Variants in MPG observed in about 807,000 individuals in gnomAD.
The protein encoded by MPG is DNA-3-methyladenine glycosylase.
A neutral mutation model predicts 31.7 loss-of-function variants in MPG; 33 were observed. The ratio of observed to expected loss-of-function variants is 1.04; its 90% CI spans 0.79 to 1.39. MPG has a LOEUF of 1.39. Ranked by LOEUF, MPG falls within the 40% of genes most tolerant of loss-of-function variation. The pLI, the probability that MPG is intolerant of heterozygous loss-of-function variation, is 0.00. For synonymous variants in MPG, 202 were observed against 169.2 expected, an observed-to-expected ratio of 1.19 and a Z score of -1.51; for missense variants, 455 against 415.5, an observed-to-expected ratio of 1.10 and a Z score of -0.83.
chr16:81,316 A>G (rs1238766022), intron 2 of MPG, among the ~76,000 whole-genome samples: 2 of 152,136 alleles, frequency 1.3e-5, no homozygotes, highest in African/African-American at 4.8e-5. Flanking sequence ...GAAATTTGGG[A>G]TGGAAAAGGA....
rs569080544 is a variant in MPG at position 83,424 on chromosome 16, C to T, written c.505+168C>T. 1.9e-4 allele frequency: 131 copies of T among 698,364 alleles called. 2 individuals carry two copies. In the South Asian group the frequency reaches 2.3e-3, roughly 12 times the overall value. 43.3% of individuals were successfully genotyped at this position (698,364 alleles called of 1,614,324 possible). ...CTCTGGCTACGCTGACGGGGCAGGG[C>T]TGGTTAGGTTAAAGGGGTAGAAAGG... On this transcript the variant is annotated intron_variant, in intron 3 of 3. Transcript: ENST00000356432.
rs530423012 is a variant in MPG, at chr16:85,295, G to A, written c.506-106G>A. 67 of 1,374,280 alleles carry A rather than the reference G, an allele frequency of 4.9e-5. 2 individuals carry two copies. The South Asian group carries it at 8.4e-4, about 17-fold the overall frequency. The allele number at this position is 1,374,280 out of a possible 1,614,324, so 85.1% of individuals were successfully genotyped here. On this transcript the variant is annotated intron_variant, in intron 3 of 3. Transcript: ENST00000356432. ...ACAGAGCAGGTCCCTGGCCCAGGCAGGAAGGCAGCTGCACCCTCCCTGCAG... is the reference window on the plus strand; with the variant it reads ...ACAGAGCAGGTCCCTGGCCCAGGCAAGAAGGCAGCTGCACCCTCCCTGCAG...
rs370346230 is a variant in MPG, at chr16:79,609, A to G, written c.209A>G (p.Tyr70Cys). The change falls in exon 2 of 4, where the codon TAT (tyrosine) becomes TGT (cysteine). Residue 70 changes from tyrosine (Y) to cysteine (C), a missense_variant. Physicochemically the swap from Tyr to Cys is radical, Grantham distance 194. Coordinates refer to ENST00000356432, the MANE Select transcript of MPG (RefSeq NM_001015052.3). ...PTTPGPYRSIYFSSPKGHLTR... is the reference protein window; with the variant it reads ...PTTPGPYRSICFSSPKGHLTR... ...ACTCCGGGCCCATACCGCAGCATCT[A>G]TTTCTCAAGCCCAAAGGGCCACCTT... The G allele has an allele frequency of 3.1e-6, 5 of 1,602,876 alleles. No individual in the cohort carries two copies. The highest frequency in any genetic ancestry group is 1.1e-5 in the South Asian group (1 of 90,180).
upstream of MPG, chr16:78,166 G>T: frequency 1.6e-6 from 1 of 639,682 alleles, no homozygotes; most frequent in Non-Finnish European, 2.2e-6. Context: ...AGTTCCCGGC[G>T]CTCACTGCCC....
chr16:78,427 G>T (rs897413270), intron 1 of MPG, 94 bp downstream of exon 1: 2 of 1,050,244 alleles, frequency 1.9e-6, no homozygotes, highest in African/African-American at 3.3e-5. Flanking sequence ...GCCGGGGACG[G>T]GCGTAGCGCC....
At chr16:83,420 A>T in intron 3 of MPG, 164 bp downstream of exon 3, 3 of 658,176 alleles carry the variant, frequency 4.6e-6, no homozygotes, top group African/African-American at 1.8e-5. Flanking sequence ...CTGACGGGGC[A>T]GGGCTGGTTA....
At chr16:85,105 G>A (rs868680526) in intron 3 of MPG, among the ~76,000 whole-genome samples, 8 of 152,218 alleles carry the variant, frequency 5.3e-5, no homozygotes, top group African/African-American at 7.2e-5. Flanking sequence ...TTGTGGGGGC[G>A]GCCACAGTGG....
intron 2 of MPG, among the ~76,000 whole-genome samples, chr16:82,025 CA>C (rs1417087549): frequency 1.6e-5 from 2 of 124,218 alleles, no homozygotes; most frequent in East Asian, 2.2e-4. Context: ...GAATGCTCCC[CA>C]CGCTGGCCCC....
At chr16:81,114 C>T (rs900370866) in intron 2 of MPG, among the ~76,000 whole-genome samples, 10 of 152,160 alleles carry the variant, frequency 6.6e-5, no homozygotes, top group African/African-American at 1.9e-4. Context: ...GTCATGCACT[C>T]ATCCCTAAAA....
At chr16:82,851 G>A (rs3176416) in intron 2 of MPG, among the ~76,000 whole-genome samples, 2,076 of 152,254 alleles carry the variant, frequency 0.014, 54 homozygotes, top group African/African-American at 0.047. Context: ...AGGGCTGGAG[G>A]AGACAACTGG....
rs779520325 is a variant in MPG, at chr16:79,659, G to A, written c.259G>A (p.Asp87Asn). Residue 87 changes from aspartate to asparagine, a missense_variant, in exon 2 of 4, where the codon GAC becomes AAC. Physicochemically the swap from Asp to Asn is conservative, Grantham distance 23 (BLOSUM62 1). Coordinates refer to ENST00000356432, the MANE Select transcript of MPG (RefSeq NM_001015052.3). ...HLTRLGLEFF[D>N]QPAVPLARAF... ...TACCCGACTGGGGTTGGAGTTCTTCGACCAGCCGGCAGTCCCCCTGGCCCG... is the reference window on the plus strand; with the variant it reads ...TACCCGACTGGGGTTGGAGTTCTTCAACCAGCCGGCAGTCCCCCTGGCCCG... 11 of 1,570,194 alleles carry A rather than the reference G, an allele frequency of 7.0e-6. No individual in the cohort carries two copies. Among genetic ancestry groups the A allele is most frequent in the South Asian group, 4.6e-5 (4 of 86,970 alleles).
chr16:79,372 AC>A (rs771748813), intron 1 of MPG, 52 bp from the exon 2 acceptor site: 1 of 1,613,878 alleles, frequency 6.2e-7, no homozygotes, highest in Admixed American at 1.7e-5. Flanking sequence ...GCCTGACCTT[AC>A]CACACAGCTG....
Position 85,524 on chromosome 16 carries a change from G to A in MPG, c.629G>A (p.Cys210Tyr), listed in dbSNP as rs200772943. ...CGTGTCCTCAAGGACCGCGAGCTCTGCAGTGGCCCCTCCAAGCTGTGCCAG... is the reference window on the plus strand; with the variant it reads ...CGTGTCCTCAAGGACCGCGAGCTCTACAGTGGCCCCTCCAAGCTGTGCCAG... ...ASRVLKDREL[C>Y]SGPSKLCQAL... Residue 210 changes from cysteine (C) to tyrosine (Y), a missense_variant, in exon 4 of 4, where the codon TGC (cysteine) becomes TAC (tyrosine). Cys to Tyr is a radical substitution (Grantham distance 194, BLOSUM62 -2). Coordinates refer to ENST00000356432, the MANE Select transcript of MPG (RefSeq NM_001015052.3). 9.2e-5 allele frequency: 148 copies of A among 1,613,302 alleles called. No homozygotes were observed. The highest frequency in any genetic ancestry group is 6.1e-5 in the Non-Finnish European group (72 of 1,180,052).
Position 81,599 on chromosome 16 carries a change from C to T in MPG, c.301-1453C>T, listed in dbSNP as rs995573477. Among the ~76,000 whole-genome samples the T allele has an allele frequency of 3.6e-4, 54 of 150,304 alleles. 5 individuals are homozygous for T. The highest frequency in any genetic ancestry group is 1.2e-3 in the African/African-American group (48 of 39,962). On this transcript the variant is annotated intron_variant, in intron 2 of 3. Transcript: ENST00000356432. ...TGACCCCTTCTTCCCACCACCCTAT[C>T]TCCAGGAAGGCCTCCTGAATGCTCC...
At position 85,397 on chromosome 16, in the gene MPG, A is replaced by G. The variant is rs1340445856; in HGVS notation, c.506-4A>G. ...GCTCCACTTCCAAACTGTCCGTCCC[A>G]CAGGGGACGGGGCTTGCGTCTTGCT... On this transcript the variant is annotated splice_polypyrimidine_tract_variant and splice_region_variant and intron_variant, in intron 3 of 3. Transcript: ENST00000356432. The G allele has an allele frequency of 6.3e-7, 1 of 1,598,962 alleles. No individual in the cohort carries two copies. The highest frequency in any genetic ancestry group is 1.1e-5 in the South Asian group (1 of 90,184).
rs1898185865 is a variant in MPG, at chr16:79,571, G to T, written c.171G>T (p.Leu57Phe). Residue 57 changes from leucine (L) to phenylalanine (F), a missense_variant, in exon 2 of 4, where the codon TTG becomes TTT. By Grantham distance (22) the Leu-to-Phe change is conservative. Coordinates refer to ENST00000356432, the MANE Select transcript of MPG (RefSeq NM_001015052.3). ...AQAPCPRERC[L>F]GPPTTPGPYR... ...CACCTTGCCCCAGGGAGCGCTGCTT[G>T]GGACCGCCCACCACTCCGGGCCCAT... 1 of 1,612,058 alleles carries T rather than the reference G, an allele frequency of 6.2e-7. No individual in the cohort carries two copies. The highest frequency in any genetic ancestry group is 1.7e-5 in the Admixed American group (1 of 59,822).
At position 80,788 on chromosome 16, in the gene MPG, G is replaced by A. The variant is rs138562571; in HGVS notation, c.300+1088G>A. Among the ~76,000 whole-genome samples the A allele has an allele frequency of 2.2e-3, 333 of 152,180 alleles. 1 individual carries two copies. The highest frequency in any genetic ancestry group is 4.7e-3 in the African/African-American group (195 of 41,490). ...CACGCCATTGCACTCCGGCCTGGGC[G>A]ACAGGGCGAGACTCCGTCTCAAAAA... On this transcript the variant is annotated intron_variant, in intron 2 of 3. Coordinates refer to ENST00000356432, the MANE Select transcript of MPG (RefSeq NM_001015052.3).
intron 3 of MPG, among the ~76,000 whole-genome samples, chr16:84,802 G>C (rs923660973): frequency 6.6e-6 from 1 of 152,210 alleles, no homozygotes; most frequent in African/African-American, 2.4e-5. Context: ...CTTCCACTGA[G>C]TCATTGCATG....
intron 2 of MPG, 51 bp from the exon 3 acceptor site, chr16:83,001 T>G: frequency 4.0e-6 from 6 of 1,482,902 alleles, no homozygotes; most frequent in Non-Finnish European, 5.5e-6. Context: ...ACTGTTAGGG[T>G]GAGTGGACCC....
Sources: allele counts gnomAD v4.1 joint callset (sites outside exome capture counted in the v4.1 genomes callset), GRCh38; gene constraint gnomAD v4.1.1; transcripts MANE v1.5; gene names NCBI Gene and HGNC (gene_info 2026-07-23, HGNC 2026-07-21).